The following APOO variants were observed in gnomAD, a reference collection of about 807,000 sequenced individuals.
APOO encodes the protein MICOS complex subunit MIC26.
Under a neutral mutation model 23.1 loss-of-function variants are expected in APOO, and 11 were observed. That is an observed-to-expected ratio of 0.48 (90% CI 0.30 to 0.79). APOO has a LOEUF of 0.79. Among genes scored for constraint, APOO ranks in the 30% least tolerant of loss-of-function variants. APOO has a pLI of 0.07. For synonymous variants in APOO, 59 were observed against 54.8 expected (o/e 1.08, Z -0.34); for missense variants, 160 against 142.7 (o/e 1.12, Z -0.62).
At chrX:23,891,724 T>A (rs1470735995) in intron 1 of APOO, among the ~76,000 whole-genome samples, 1 of 110,794 alleles carries the variant, frequency 9.0e-6, no homozygotes, top group Non-Finnish European at 1.9e-5. Context: ...TGATGGAATA[T>A]ATTATTTCTA....
chrX:23,878,871 C>A (rs1351519429), intron 3 of APOO, 44 bp downstream of exon 3: 10 of 1,191,066 alleles, frequency 8.4e-6, no homozygotes, highest in Admixed American at 6.7e-5. Context: ...CCTCTATGGA[C>A]TCTAAACAGA....
At chrX:23,904,521 T>C (rs768669622) in intron 1 of APOO, among the ~76,000 whole-genome samples, 99 of 101,654 alleles carry the variant, frequency 9.7e-4, no homozygotes, top group African/African-American at 3.4e-3. Flanking sequence ...TTTTTTTTTT[T>C]TTTTTGGGAC....
intron 3 of APOO, among the ~76,000 whole-genome samples, chrX:23,877,950 T>C (rs985247241): frequency 8.9e-5 from 10 of 111,899 alleles, no homozygotes; most frequent in African/African-American, 3.2e-4. Flanking sequence ...TTGTAAACGT[T>C]GGTTACTGAT....
intron 1 of APOO, among the ~76,000 whole-genome samples, 167 bp from the exon 2 acceptor site, chrX:23,881,119 G>A (rs1257288586): frequency 2.7e-5 from 3 of 110,659 alleles, no homozygotes; most frequent in African/African-American, 6.6e-5. Context: ...CTGTTACCCA[G>A]GCTGCGGTGT....
intron 8 of APOO, among the ~76,000 whole-genome samples, chrX:23,835,725 C>CAA (rs58910598): frequency 0.02 from 1,993 of 99,554 alleles, 49 homozygotes; most frequent in African/African-American, 0.066. Flanking sequence ...CTGTCTATGG[C>CAA]AAAAAAAAAA....
chrX:23,881,086 T>C, intron 1 of APOO, 134 bp from the exon 2 acceptor site: 1 of 337,391 alleles, frequency 3.0e-6, no homozygotes, highest in Non-Finnish European at 4.9e-6. Context: ...TTTATTTTTA[T>C]GTTTTCAAGA....
At chrX:23,871,320 G>A (rs1262809434) in intron 4 of APOO, among the ~76,000 whole-genome samples, 4 of 93,941 alleles carry the variant, frequency 4.3e-5, no homozygotes, top group Admixed American at 2.5e-4. Flanking sequence ...CCGAGACCGC[G>A]CCACTGCACT....
At chrX:23,868,418 A>T (rs1450419804) in intron 5 of APOO, among the ~76,000 whole-genome samples, 175 bp downstream of exon 5, 3 of 112,289 alleles carry the variant, frequency 2.7e-5, no homozygotes, top group African/African-American at 9.7e-5. Flanking sequence ...AAGAGTATAC[A>T]ATTTCTATTT....
intron 8 of APOO, among the ~76,000 whole-genome samples, chrX:23,836,413 C>G (rs931357179): frequency 8.9e-6 from 1 of 111,835 alleles, no homozygotes; most frequent in African/African-American, 3.2e-5. Context: ...CTTTCGGGTT[C>G]AAGCGATTCC....
chrX:23,906,771 A>G (rs1927376787), intron 1 of APOO, among the ~76,000 whole-genome samples: 1 of 112,377 alleles, frequency 8.9e-6, no homozygotes, highest in Non-Finnish European at 1.9e-5. Context: ...CAACTTCACC[A>G]AAGGAAGATA....
At chrX:23,884,839 TGA>T (rs1471331791) in intron 1 of APOO, among the ~76,000 whole-genome samples, 1 of 111,304 alleles carries the variant, frequency 9.0e-6, no homozygotes, top group African/African-American at 3.3e-5. Flanking sequence ...ACAGCATTCC[TGA>T]GAGAGGAAGT....
chrX:23,839,566 G>A (rs1343076512), intron 8 of APOO, among the ~76,000 whole-genome samples: 3 of 111,522 alleles, frequency 2.7e-5, no homozygotes, highest in African/African-American at 9.7e-5. Flanking sequence ...AAAATTTTCT[G>A]ATTATAAAAT....
intron 1 of APOO, among the ~76,000 whole-genome samples, chrX:23,894,638 T>C (rs1389460537): frequency 1.8e-5 from 2 of 108,733 alleles, no homozygotes; most frequent in Non-Finnish European, 3.8e-5. Context: ...CTACTAAAAA[T>C]AGAAAAAATT....
chrX:23,905,373 G>A (rs1231937624), intron 1 of APOO, among the ~76,000 whole-genome samples: 4 of 109,713 alleles, frequency 3.6e-5, no homozygotes, highest in African/African-American at 1.3e-4. Context: ...CCGGACAACA[G>A]GGCCAGACTC....
chrX:23,856,487 T>G, intron 6 of APOO, 105 bp from the exon 7 acceptor site: 1 of 597,880 alleles, frequency 1.7e-6, no homozygotes, highest in Non-Finnish European at 2.7e-6. Context: ...TATGCATGCA[T>G]ATGTTCATCA....
intron 7 of APOO, among the ~76,000 whole-genome samples, chrX:23,847,125 A>C (rs185307611): frequency 9.0e-6 from 1 of 111,312 alleles, no homozygotes; most frequent in East Asian, 2.8e-4. Context: ...CACGATGGGA[A>C]ATTCTGGGAA....
intron 7 of APOO, among the ~76,000 whole-genome samples, chrX:23,850,825 T>C (rs1253283274): frequency 9.0e-6 from 1 of 111,650 alleles, no homozygotes; most frequent in Non-Finnish European, 1.9e-5. Context: ...AGACTCCGTC[T>C]ATTAAAACAA....
chrX:23,863,212 T>C (rs1227828167), intron 5 of APOO, among the ~76,000 whole-genome samples: 1 of 111,581 alleles, frequency 9.0e-6, no homozygotes, highest in Non-Finnish European at 1.9e-5. Flanking sequence ...TGCACGCCTG[T>C]AATCCCAGCT....
chrX:23,892,886 A>T (rs1926726510), intron 1 of APOO, among the ~76,000 whole-genome samples: 1 of 108,684 alleles, frequency 9.2e-6, no homozygotes, highest in Non-Finnish European at 1.9e-5. Context: ...AAACTATTTT[A>T]ATCTGATTCT....
Sources: gnomAD v4.1 joint callset for allele counts (sites outside exome capture counted in the v4.1 genomes callset) on GRCh38, gnomAD v4.1.1 for gene constraint, MANE v1.5 for transcripts, NCBI Gene and HGNC (gene_info 2026-07-23, HGNC 2026-07-21) for gene names.